FYN: variants seen among roughly 807,000 people sequenced by gnomAD.
FYN encodes the protein FYN proto-oncogene, Src family tyrosine kinase, also known as tyrosine-protein kinase Fyn.
A neutral mutation model predicts 70.2 loss-of-function variants in FYN; 10 were observed. The ratio of observed to expected loss-of-function variants is 0.14; its 90% CI spans 0.09 to 0.24. FYN has a LOEUF of 0.24. FYN is among the 10% of genes least tolerant of loss of function. The pLI is 1.00. For synonymous variants in FYN, 236 were observed against 248.6 expected, an observed-to-expected ratio of 0.95 and a Z score of 0.48; for missense variants, 319 against 673.1, an observed-to-expected ratio of 0.47 and a Z score of 5.82.
chr6:111,697,062 C>T (rs1799606708), intron 9 of FYN, among the ~76,000 whole-genome samples: 1 of 152,202 alleles, frequency 6.6e-6, no homozygotes. Context: ...AGGCAAATTT[C>T]CTCAGCTTTA....
intron 5 of FYN, chr6:111,709,095 T>G (rs1400089257): frequency 6.6e-6 from 1 of 152,050 alleles, no homozygotes; most frequent in Non-Finnish European, 1.5e-5. Context: ...CTCAAGCAAA[T>G]CAGACCTCCC....
intron 2 of FYN, among the ~76,000 whole-genome samples, chr6:111,841,399 T>C (rs1220502113): frequency 6.6e-6 from 1 of 152,198 alleles, no homozygotes; most frequent in African/African-American, 2.4e-5. Flanking sequence ...ATGAGGCTGA[T>C]AATGATGGCT....
intron 3 of FYN, chr6:111,759,934 G>A (rs1339531853): frequency 2.0e-5 from 3 of 151,982 alleles, no homozygotes; most frequent in African/African-American, 7.2e-5. Flanking sequence ...ACTAGAGATG[G>A]CGTAAAAAGA....
intron 3 of FYN, among the ~76,000 whole-genome samples, chr6:111,765,414 C>T (rs1300199897): frequency 6.6e-6 from 1 of 152,056 alleles, no homozygotes; most frequent in Non-Finnish European, 1.5e-5. Flanking sequence ...GTGGGGACAC[C>T]AGAGACAGTG....
At chr6:111,806,236 C>A (rs769020743) in intron 2 of FYN, among the ~76,000 whole-genome samples, 9 of 152,148 alleles carry the variant, frequency 5.9e-5, no homozygotes, top group Non-Finnish European at 8.8e-5. Flanking sequence ...GGAACCTGGA[C>A]GTTGGTCAAA....
At chr6:111,739,429 C>A (rs1801850344) in intron 3 of FYN, among the ~76,000 whole-genome samples, 1 of 152,240 alleles carries the variant, frequency 6.6e-6, no homozygotes, top group Admixed American at 6.5e-5. Flanking sequence ...CACATGCCCA[C>A]AGCCCTGGCA....
chr6:111,838,817 G>A (rs771178969), intron 2 of FYN, among the ~76,000 whole-genome samples: 1 of 152,154 alleles, frequency 6.6e-6, no homozygotes, highest in Non-Finnish European at 1.5e-5. Flanking sequence ...CTTGCCTCAC[G>A]TTCAGTTGTT....
intron 1 of FYN, among the ~76,000 whole-genome samples, chr6:111,859,763 C>T (rs111361362): frequency 3.3e-4 from 50 of 152,220 alleles, no homozygotes; most frequent in African/African-American, 1.1e-3. Context: ...TTCAATGGTG[C>T]CAACCCCCCA....
intron 8 of FYN, among the ~76,000 whole-genome samples, chr6:111,702,048 G>C (rs1231098148): frequency 6.6e-6 from 1 of 152,246 alleles, no homozygotes; most frequent in East Asian, 1.9e-4. Context: ...GAGAACAATA[G>C]AAAATGGAGA....
chr6:111,785,897 C>T (rs1771357182), intron 2 of FYN, among the ~76,000 whole-genome samples: 1 of 148,472 alleles, frequency 6.7e-6, no homozygotes, highest in South Asian at 2.2e-4. Flanking sequence ...CAATTCCCAC[C>T]TGTAAGTAAG....
chr6:111,821,915 C>G (rs553762320), intron 2 of FYN, among the ~76,000 whole-genome samples: 1 of 152,114 alleles, frequency 6.6e-6, no homozygotes, highest in Non-Finnish European at 1.5e-5. Flanking sequence ...AAATGCAAAT[C>G]AAAACCACAA....
chr6:111,681,912 GGT>G (rs1798797959), intron 12 of FYN, among the ~76,000 whole-genome samples: 1 of 151,370 alleles, frequency 6.6e-6, no homozygotes. Flanking sequence ...TTGAACCGAA[GGT>G]GCCAGAGCCT....
intron 2 of FYN, among the ~76,000 whole-genome samples, chr6:111,783,956 G>C (rs189447413): frequency 6.6e-6 from 1 of 152,326 alleles, no homozygotes; most frequent in African/African-American, 2.4e-5. Flanking sequence ...TGAAGTTTGA[G>C]AAGCATCGAT....
chr6:111,756,992 C>T (rs769887674), intron 3 of FYN, among the ~76,000 whole-genome samples: 28 of 151,860 alleles, frequency 1.8e-4, no homozygotes, highest in Non-Finnish European at 2.9e-4. Context: ...TCCTGCAGGT[C>T]CTAGCCAGAG....
At chr6:111,826,625 A>G (rs571782594) in intron 2 of FYN, among the ~76,000 whole-genome samples, 12 of 152,314 alleles carry the variant, frequency 7.9e-5, no homozygotes, top group Admixed American at 7.2e-4. Flanking sequence ...TCTTTGTTAC[A>G]TTTTTAAAAT....
rs531959237 is a variant in FYN, at chr6:111,705,023, C to T, written c.444-921G>A. On this transcript the variant is annotated intron_variant, in intron 6 of 13. Coordinates refer to ENST00000354650, the MANE Select transcript of FYN (RefSeq NM_002037.5). ...GTTGCAGTGAGCCAGGATTGCGCCACTGCACTCCAGCCTGGGCAACAGAGC... is the reference window on the plus strand; with the variant it reads ...GTTGCAGTGAGCCAGGATTGCGCCATTGCACTCCAGCCTGGGCAACAGAGC... Among the ~76,000 whole-genome samples, 5 of 152,136 alleles carry T rather than the reference C, an allele frequency of 3.3e-5. No homozygotes were observed. The South Asian group carries it at 1.0e-3, about 32-fold the overall frequency.
chr6:111,673,626 T>TTTTTTTTTTG (rs1798403071), intron 13 of FYN, among the ~76,000 whole-genome samples: 1 of 148,158 alleles, frequency 6.7e-6, no homozygotes, highest in South Asian at 2.2e-4. Context: ...ATCATTGTTT[T>TTTTTTTTTTG]TTTTTTTTTT....
intron 7 of FYN, 126 bp downstream of exon 7, chr6:111,703,861 AAAACAGGACTCC>A: frequency 1.5e-6 from 1 of 651,738 alleles, no homozygotes; most frequent in Non-Finnish European, 2.7e-6. Flanking sequence ...GGGAAGACTG[AAAACAGGACTCC>A]ACTCACAAGG....
chr6:111,784,017 T>C (rs1771274110), intron 2 of FYN, among the ~76,000 whole-genome samples: 1 of 152,230 alleles, frequency 6.6e-6, no homozygotes, highest in Non-Finnish European at 1.5e-5. Context: ...AATAAGCATG[T>C]GGCCCAATTT....
Sources: gnomAD v4.1 joint callset for allele counts (sites outside exome capture counted in the v4.1 genomes callset) on GRCh38, gnomAD v4.1.1 for gene constraint, MANE v1.5 for transcripts, NCBI Gene and HGNC (gene_info 2026-07-23, HGNC 2026-07-21) for gene names.